FRMD4B: variants seen among roughly 807,000 people sequenced by gnomAD.
The protein encoded by FRMD4B is FERM domain containing 4B.
Under a neutral mutation model 141.5 loss-of-function variants are expected in FRMD4B, and 74 were observed. The ratio of observed to expected loss-of-function variants is 0.52; its 90% CI spans 0.43 to 0.63. FRMD4B has a LOEUF of 0.63. Ranked by LOEUF, FRMD4B falls within the 30% of genes least tolerant of loss-of-function variation. The probability of loss-of-function intolerance (pLI) is 0.00; values close to 1 mark genes in which losing one functional copy is unlikely to be tolerated. For synonymous variants in FRMD4B, 506 were observed against 467.9 expected (o/e 1.08, Z -1.05); for missense variants, 1,366 against 1,253.4 (o/e 1.09, Z -1.36).
chr3:69,530,170 C>A (rs73835878), intron 1 of FRMD4B, among the ~76,000 whole-genome samples: 35,307 of 152,198 alleles, frequency 0.23, 4,309 homozygotes, highest in African/African-American at 0.29. Context: ...CCATAGGGCC[C>A]ACAAAGCCTA....
intron 1 of FRMD4B, among the ~76,000 whole-genome samples, chr3:69,383,325 T>C (rs1456921749): frequency 6.6e-6 from 1 of 152,222 alleles, no homozygotes; most frequent in African/African-American, 2.4e-5. Context: ...AGGATTATGT[T>C]GCACAATTAA....
At chr3:69,268,928 ATTT>A (rs766564016) in intron 5 of FRMD4B, among the ~76,000 whole-genome samples, 1 of 141,262 alleles carries the variant, frequency 7.1e-6, no homozygotes. Flanking sequence ...ATAGATGAGA[ATTT>A]TTTTTTTTTT....
intron 17 of FRMD4B, among the ~76,000 whole-genome samples, chr3:69,192,593 T>C (rs1428856280): frequency 1.3e-5 from 2 of 152,160 alleles, no homozygotes; most frequent in African/African-American, 2.4e-5. Flanking sequence ...ATGAAAGTCA[T>C]AAATACATAA....
intron 1 of FRMD4B, among the ~76,000 whole-genome samples, chr3:69,440,398 C>T (rs1705325689): frequency 6.6e-6 from 1 of 152,186 alleles, no homozygotes; most frequent in African/African-American, 2.4e-5. Context: ...CTTTTCTGTC[C>T]TATTGATCTA....
At chr3:69,231,234 G>C (rs553612095) in intron 7 of FRMD4B, among the ~76,000 whole-genome samples, 8 of 152,328 alleles carry the variant, frequency 5.3e-5, no homozygotes, top group African/African-American at 1.9e-4. Flanking sequence ...TGGGGGGCAG[G>C]AGGCTTCTGG....
intron 4 of FRMD4B, chr3:69,292,860 T>A (rs1483381408): frequency 4.5e-6 from 1 of 222,404 alleles, no homozygotes; most frequent in African/African-American, 2.4e-5. Flanking sequence ...CCTTTTTGCA[T>A]GCTTACTGTG....
intron 1 of FRMD4B, among the ~76,000 whole-genome samples, chr3:69,514,716 AAAT>A (rs1700723413): frequency 6.6e-6 from 1 of 151,540 alleles, no homozygotes; most frequent in Non-Finnish European, 1.5e-5. Flanking sequence ...ATAAATAAAT[AAAT>A]AAATAAATGG....
At chr3:69,394,118 C>T (rs1293767575) in intron 2 of FRMD4B, among the ~76,000 whole-genome samples, 1 of 152,216 alleles carries the variant, frequency 6.6e-6, no homozygotes, top group Non-Finnish European at 1.5e-5. Context: ...TTATTTCTCA[C>T]AGCTCTAGAG....
At chr3:69,231,983 G>A (rs1304826545) in intron 7 of FRMD4B, among the ~76,000 whole-genome samples, 1 of 152,166 alleles carries the variant, frequency 6.6e-6, no homozygotes, top group Admixed American at 6.5e-5. Context: ...TGTAGGAGCA[G>A]CCAGGTCTGG....
Position 69,193,714 on chromosome 3 carries a change from T to G in FRMD4B, c.1648A>C (p.Asn550His). 1 of 1,613,932 alleles carries G rather than the reference T, an allele frequency of 6.2e-7. No individual in the cohort carries two copies. Among genetic ancestry groups the G allele is most frequent in the Non-Finnish European group, 8.5e-7 (1 of 1,179,802 alleles). The change falls in exon 17 of 23, where the codon AAT (asparagine) becomes CAT (histidine). Residue 550 changes from asparagine to histidine, a missense_variant. By Grantham distance (68) the Asn-to-His change is moderately conservative. Transcript: ENST00000398540. ...DAMKKLQEIENAINEYRIRCG... is the reference protein window; with the variant it reads ...DAMKKLQEIEHAINEYRIRCG... ...CTAATTCGGTATTCGTTTATTGCAT[T>G]TTCAATCTCCTGAAGCTTTTTCATC...
At chr3:69,284,291 G>A (rs990977961) in intron 5 of FRMD4B, among the ~76,000 whole-genome samples, 1 of 152,188 alleles carries the variant, frequency 6.6e-6, no homozygotes, top group Non-Finnish European at 1.5e-5. Flanking sequence ...GGATTCGGTA[G>A]AGCACTCATC....
At chr3:69,424,362 T>C (rs1337457443) in intron 2 of FRMD4B, among the ~76,000 whole-genome samples, 2 of 152,184 alleles carry the variant, frequency 1.3e-5, no homozygotes, top group Admixed American at 6.5e-5. Context: ...GGTGTGATCA[T>C]GGCTCACTGC....
intron 19 of FRMD4B, among the ~76,000 whole-genome samples, chr3:69,185,657 G>T (rs2092758488): frequency 6.6e-6 from 1 of 152,130 alleles, no homozygotes; most frequent in South Asian, 2.1e-4. Flanking sequence ...AAAGGGTAAT[G>T]ACAGTAGTAA....
At chr3:69,297,461 A>C (rs1701069079) in intron 4 of FRMD4B, among the ~76,000 whole-genome samples, 1 of 152,138 alleles carries the variant, frequency 6.6e-6, no homozygotes, top group Non-Finnish European at 1.5e-5. Context: ...AAAAGAAGGG[A>C]GAAGAGGGAA....
Position 69,169,416 on chromosome 3 carries a change from G to A in FRMD4B, c.*2445C>T, listed in dbSNP as rs903095440. Among the ~76,000 whole-genome samples, 3 of 144,262 alleles carry A rather than the reference G, an allele frequency of 2.1e-5. No homozygotes were observed. The highest frequency in any genetic ancestry group is 7.8e-5 in the African/African-American group (3 of 38,556). 94.6% of individuals were successfully genotyped at this position (144,262 alleles called of 152,430 possible). The stretch of plus-strand genomic sequence containing the variant: ...GTTATTGCCTAGGCTGGAATGCAGT[G>A]GCACGATCCTGGCTCACTGCAACCT... On this transcript the variant is annotated 3_prime_UTR_variant, in exon 23 of 23. Transcript: ENST00000398540.
Position 69,216,301 on chromosome 3 carries a change from C to CAATT in FRMD4B, c.834_837dup (p.Gly280AsnfsTer5). The CAATT allele has an allele frequency of 6.3e-7, 1 of 1,579,836 alleles. No individual in the cohort carries two copies. The highest frequency in any genetic ancestry group is 2.3e-5 in the East Asian group (1 of 44,218). On this transcript the variant is annotated frameshift_variant, in exon 11 of 23. Transcript: ENST00000398540. LOFTEE classifies it high-confidence loss of function. Reference sequence around the variant, plus strand: ...ACCTTGTCTTGTATATCATATTGGCCAATTCCCTTATAGCTTATTCCAAGC... The same window carrying CAATT: ...ACCTTGTCTTGTATATCATATTGGCCAATTAATTCCCTTATAGCTTATTCCAAGC...
chr3:69,227,825 C>T (rs1428756476), intron 7 of FRMD4B, among the ~76,000 whole-genome samples: 1 of 151,218 alleles, frequency 6.6e-6, no homozygotes, highest in Non-Finnish European at 1.5e-5. Flanking sequence ...CTGTACAACA[C>T]AAAGAGTGAA....
At chr3:69,338,974 C>T (rs1261750272) in intron 1 of FRMD4B, among the ~76,000 whole-genome samples, 1 of 152,132 alleles carries the variant, frequency 6.6e-6, no homozygotes, top group African/African-American at 2.4e-5. Flanking sequence ...CTTAGTTCTC[C>T]CAGAATCCTC....
At chr3:69,193,176 A>C (rs2092858903) in intron 17 of FRMD4B, among the ~76,000 whole-genome samples, 1 of 152,112 alleles carries the variant, frequency 6.6e-6, no homozygotes, top group Non-Finnish European at 1.5e-5. Flanking sequence ...TCAAGTGTAC[A>C]TACTTATAAA....
Sources: gnomAD v4.1 joint callset for allele counts (sites outside exome capture counted in the v4.1 genomes callset) on GRCh38, gnomAD v4.1.1 for gene constraint, MANE v1.5 for transcripts, NCBI Gene and HGNC (gene_info 2026-07-23, HGNC 2026-07-21) for gene names.